YEATS2: variants seen among roughly 807,000 people sequenced by gnomAD.
YEATS2 encodes YEATS domain-containing protein 2.
A neutral mutation model predicts 163.2 loss-of-function variants in YEATS2; 77 were observed. The observed-to-expected ratio is 0.47, with a 90% CI of 0.39 to 0.57. The LOEUF is 0.57. Among genes scored for constraint, YEATS2 ranks in the 20% least tolerant of loss-of-function variants. YEATS2 has a pLI of 0.00. For missense variants in YEATS2, 1,549 were observed against 1,729.8 expected, an observed-to-expected ratio of 0.90 and a Z score of 1.85; for synonymous variants, 631 against 645.1, an observed-to-expected ratio of 0.98 and a Z score of 0.33.
chr3:183,749,109 A>G (rs1719882513), intron 9 of YEATS2, among the ~76,000 whole-genome samples: 1 of 151,790 alleles, frequency 6.6e-6, no homozygotes, highest in African/African-American at 2.4e-5. Context: ...CGCCCGGCTA[A>G]TTTTTTGTAT....
intron 15 of YEATS2, among the ~76,000 whole-genome samples, chr3:183,770,241 A>G (rs1352569917): frequency 6.6e-6 from 1 of 151,840 alleles, no homozygotes; most frequent in African/African-American, 2.4e-5. Flanking sequence ...ACAAAAAATT[A>G]GCTGGGCGTG....
In YEATS2 at chr3:183,797,983, G is replaced by A; in HGVS notation, c.3158G>A (p.Ser1053Asn). Residue 1053 changes from serine to asparagine, a missense_variant, in exon 22 of 31, where the codon AGC (serine) becomes AAC (asparagine). By Grantham distance (46) the Ser-to-Asn change is conservative. Coordinates refer to ENST00000305135, the MANE Select transcript of YEATS2 (RefSeq NM_018023.5). ...SPQQAVLTIPSQLKPLSVNTS... is the reference protein window; with the variant it reads ...SPQQAVLTIPNQLKPLSVNTS... ...CAGCAGGCCGTCCTGACGATTCCCA[G>A]CCAGCTCAAACCACTCAGCGTAAAC... 6.2e-7 allele frequency: 1 copy of A among 1,614,136 alleles called. No homozygotes were observed. Among genetic ancestry groups the A allele is most frequent in the South Asian group, 1.1e-5 (1 of 91,074 alleles).
chr3:183,809,251 C>T, intron 30 of YEATS2, 81 bp downstream of exon 30: 2 of 1,395,596 alleles, frequency 1.4e-6, no homozygotes, highest in Non-Finnish European at 1.0e-6. Context: ...GTGTTTTATA[C>T]TTACATCAAT....
At chr3:183,767,165 G>A (rs1721986786) in intron 15 of YEATS2, among the ~76,000 whole-genome samples, 1 of 152,160 alleles carries the variant, frequency 6.6e-6, no homozygotes, top group Admixed American at 6.6e-5. Flanking sequence ...CAGGCGGTGT[G>A]CACAAGGTGG....
intron 23 of YEATS2, among the ~76,000 whole-genome samples, chr3:183,799,797 T>A (rs919243004): frequency 6.6e-6 from 1 of 152,022 alleles, no homozygotes; most frequent in Non-Finnish European, 1.5e-5. Context: ...CAAACCAGCA[T>A]TGTACTTTAG....
In YEATS2 at chr3:183,803,916, G is replaced by A. The variant is rs1403167190; in HGVS notation, c.3583-71G>A. 3 of 1,522,344 alleles carry A rather than the reference G, an allele frequency of 2.0e-6. No individual in the cohort carries two copies. In the African/African-American group the frequency reaches 4.1e-5, roughly 21 times the overall value. The allele number at this position is 1,522,344 out of a possible 1,614,324, so 94.3% of individuals were successfully genotyped here. A position where few individuals can be genotyped will look rare whatever the true frequency, so the allele number is the denominator to read the frequency against. On this transcript the variant is annotated intron_variant, in intron 26 of 30. Coordinates refer to ENST00000305135, the MANE Select transcript of YEATS2 (RefSeq NM_018023.5). ...GGTTAGGTTAGGATGGTGATTTATG[G>A]TTGCATGATACGTAGTTGTGTTAAG...
At chr3:183,752,496 T>G (rs887891008) in intron 10 of YEATS2, among the ~76,000 whole-genome samples, 5 of 151,504 alleles carry the variant, frequency 3.3e-5, no homozygotes, top group African/African-American at 9.7e-5. Context: ...GATCATGAGG[T>G]CAGGAGATTA....
At chr3:183,770,030 T>G (rs1722293717) in intron 15 of YEATS2, among the ~76,000 whole-genome samples, 2 of 152,008 alleles carry the variant, frequency 1.3e-5, no homozygotes, top group Admixed American at 6.6e-5. Flanking sequence ...AACTGCATGG[T>G]AAATGTATTT....
In YEATS2 at chr3:183,806,856, T is replaced by G; in HGVS notation, c.3785-10T>G. The G allele has an allele frequency of 6.2e-7, 1 of 1,613,920 alleles. No homozygotes were observed. Among genetic ancestry groups the G allele is most frequent in the Non-Finnish European group, 8.5e-7 (1 of 1,179,834 alleles). Reference sequence around the variant, plus strand: ...CACAGCTGTTGTAACACTGCTTGCCTGTCATTTAGAGTGCCCATCATCATT... The same window carrying G: ...CACAGCTGTTGTAACACTGCTTGCCGGTCATTTAGAGTGCCCATCATCATT... On this transcript the variant is annotated splice_polypyrimidine_tract_variant and intron_variant, in intron 27 of 30. Coordinates refer to ENST00000305135, the MANE Select transcript of YEATS2 (RefSeq NM_018023.5).
rs1383116855 is a variant in YEATS2 at position 183,800,470 on chromosome 3, G to A, written c.3330G>A (p.Lys1110=). ...TTTGTTGCTCTTCCCTTGTAGTGAA[G>A]ACTGAACCAGAAACACCTGGACCGA... The part of the protein sequence containing the change: ...SSAPAAVAKV[K]TEPETPGPSC... The change falls in exon 24 of 31, where the codon AAG becomes AAA. Residue 1110 remains lysine, a synonymous_variant. Coordinates refer to ENST00000305135, the MANE Select transcript of YEATS2 (RefSeq NM_018023.5). The A allele has an allele frequency of 5.0e-6, 8 of 1,613,704 alleles. No homozygotes were observed. The highest frequency in any genetic ancestry group is 1.3e-5 in the African/African-American group (1 of 74,932).
rs1270969404 is a variant in YEATS2 at position 183,811,034 on chromosome 3, G to C, written c.*451G>C. The C allele has an allele frequency of 5.8e-6, 1 of 173,042 alleles. No homozygotes were observed. Among genetic ancestry groups the C allele is most frequent in the African/African-American group, 2.4e-5 (1 of 41,928 alleles). 10.7% of individuals were successfully genotyped at this position (173,042 alleles called of 1,614,324 possible). The stretch of plus-strand genomic sequence containing the variant: ...TACCCTGAAGAGAGATTGGGCTTCA[G>C]CCTTCAGCAGGTGGTTCTCTCCCAT... On this transcript the variant is annotated 3_prime_UTR_variant, in exon 31 of 31. Transcript: ENST00000305135.
At chr3:183,790,066 A>G (rs79046468) in intron 20 of YEATS2, among the ~76,000 whole-genome samples, 1 of 152,158 alleles carries the variant, frequency 6.6e-6, no homozygotes, top group African/African-American at 2.4e-5. Context: ...AGCTTCTTGA[A>G]CATACAATGT....
At chr3:183,808,419 A>C (rs949910824) in intron 29 of YEATS2, among the ~76,000 whole-genome samples, 1 of 152,126 alleles carries the variant, frequency 6.6e-6, no homozygotes, top group African/African-American at 2.4e-5. Context: ...CACAACAGCA[A>C]ACAGCCCCAA....
At chr3:183,777,512 ATTAG>A (rs774806172) in intron 18 of YEATS2, 26 bp from the exon 19 acceptor site, 1 of 1,609,018 alleles carries the variant, frequency 6.2e-7, no homozygotes, top group South Asian at 1.1e-5. Context: ...CAAATTACCG[ATTAG>A]TTCTTTATAT....
At position 183,737,424 on chromosome 3, in the gene YEATS2, A is replaced by G. The variant is rs536755649; in HGVS notation, c.924+595A>G. 1.9e-4 allele frequency among the ~76,000 whole-genome samples: 29 copies of G among 152,330 alleles called. 1 individual carries two copies. In the South Asian group the frequency reaches 5.2e-3, roughly 27 times the overall value. On this transcript the variant is annotated intron_variant, in intron 8 of 30. Coordinates refer to ENST00000305135, the MANE Select transcript of YEATS2 (RefSeq NM_018023.5). Reference sequence around the variant, plus strand: ...CAACACTACTTTGTCCTCTGATGCAACCATCAGAGAGAGAGAGAATCACTT... The same window carrying G: ...CAACACTACTTTGTCCTCTGATGCAGCCATCAGAGAGAGAGAGAATCACTT...
intron 6 of YEATS2, among the ~76,000 whole-genome samples, chr3:183,726,452 G>A (rs1360313584): frequency 6.6e-6 from 1 of 152,190 alleles, no homozygotes; most frequent in Non-Finnish European, 1.5e-5. Flanking sequence ...GGCTGTCTTG[G>A]AGCAGCTTCA....
intron 20 of YEATS2, 116 bp from the exon 21 acceptor site, chr3:183,790,681 G>A: frequency 9.1e-7 from 1 of 1,099,886 alleles, no homozygotes; most frequent in Non-Finnish European, 1.3e-6. Context: ...TTACTAAGTA[G>A]TCATTAACAC....
chr3:183,809,057 C>G (rs1490835499), intron 29 of YEATS2, 40 bp from the exon 30 acceptor site: 1 of 1,601,700 alleles, frequency 6.2e-7, no homozygotes, highest in Non-Finnish European at 8.6e-7. Flanking sequence ...TGCCAGCAAG[C>G]AGATGGCCAT....
intron 1 of YEATS2, among the ~76,000 whole-genome samples, chr3:183,703,899 G>A (rs192267963): frequency 1.2e-3 from 184 of 152,092 alleles, no homozygotes; most frequent in Admixed American, 3.8e-3. Flanking sequence ...AGTGGCTCAC[G>A]CTTGTAATCC....
Sources: allele counts gnomAD v4.1 joint callset (sites outside exome capture counted in the v4.1 genomes callset), GRCh38; gene constraint gnomAD v4.1.1; transcripts MANE v1.5; gene names NCBI Gene and HGNC (gene_info 2026-07-23, HGNC 2026-07-21).